PICALM: variants seen among roughly 807,000 people sequenced by gnomAD.
PICALM encodes the protein phosphatidylinositol binding clathrin assembly protein, also known as phosphatidylinositol-binding clathrin assembly protein.
In PICALM, 40 loss-of-function variants were observed where a neutral mutation model predicts 80.5. That is an observed-to-expected ratio of 0.50 (90% CI 0.39 to 0.65). PICALM has a LOEUF of 0.65. PICALM is among the 30% of genes least tolerant of loss of function. The pLI is 0.00. For synonymous variants in PICALM, 288 were observed against 260.3 expected (o/e 1.11, Z -1.02); for missense variants, 676 against 778.9 (o/e 0.87, Z 1.57).
chr11:85,967,876 A>G (rs926487580), intron 19 of PICALM, among the ~76,000 whole-genome samples: 6 of 152,250 alleles, frequency 3.9e-5, no homozygotes, highest in African/African-American at 1.4e-4. Flanking sequence ...AGCACTCACA[A>G]CAAGCCATCA....
chr11:86,030,614 G>A (rs952865730), intron 2 of PICALM, among the ~76,000 whole-genome samples: 4 of 152,136 alleles, frequency 2.6e-5, no homozygotes, highest in African/African-American at 4.8e-5. Context: ...AGGCTATCAC[G>A]GAAAGTAAGA....
At chr11:85,974,656 A>G in intron 19 of PICALM, 52 bp downstream of exon 19, 1 of 1,171,764 alleles carries the variant, frequency 8.5e-7, no homozygotes. Flanking sequence ...TTATAGTATC[A>G]TATTCCTTCC....
intron 13 of PICALM, among the ~76,000 whole-genome samples, chr11:85,985,158 A>G (rs1300773331): frequency 2.0e-5 from 3 of 152,154 alleles, no homozygotes; most frequent in Non-Finnish European, 4.4e-5. Context: ...CCCCTCCTCT[A>G]TTCAGGTCAG....
chr11:86,023,589 T>C (rs1221715873), intron 3 of PICALM: 1 of 983,700 alleles, frequency 1.0e-6, no homozygotes, highest in African/African-American at 1.7e-5. Flanking sequence ...TAGAATTGCT[T>C]AATTTCCATC....
chr11:86,058,663 TATCTC>T (rs2096307124), intron 1 of PICALM, among the ~76,000 whole-genome samples: 1 of 152,224 alleles, frequency 6.6e-6, no homozygotes, highest in Non-Finnish European at 1.5e-5. Context: ...CTTTGCCTAT[TATCTC>T]ATACAGCTTC....
intron 2 of PICALM, 143 bp from the exon 3 acceptor site, chr11:86,026,510 G>C (rs1459883302): frequency 5.2e-6 from 3 of 574,102 alleles, no homozygotes; most frequent in Non-Finnish European, 9.3e-6. Flanking sequence ...CCATTAACTA[G>C]TTACCAAACC....
chr11:86,027,218 AAGTATATG>A (rs1175217605), intron 2 of PICALM, among the ~76,000 whole-genome samples: 10 of 152,194 alleles, frequency 6.6e-5, no homozygotes, highest in African/African-American at 2.2e-4. Flanking sequence ...CTCCATGCAT[AAGTATATG>A]AGTATATGAG....
At position 86,055,291 on chromosome 11, in the gene PICALM, C is replaced by G. The variant is rs1005222075; in HGVS notation, c.130+13360G>C. On this transcript the variant is annotated intron_variant, in intron 1 of 19. Transcript: ENST00000393346. ...GTTGCAGTGAGCCTAGATCGTGCCACTGCACTCCAGCCTGGACAAGAGCAA... is the reference window on the plus strand; with the variant it reads ...GTTGCAGTGAGCCTAGATCGTGCCAGTGCACTCCAGCCTGGACAAGAGCAA... Among the ~76,000 whole-genome samples, 4 of 114,738 alleles carry G rather than the reference C, an allele frequency of 3.5e-5. No individual in the cohort carries two copies. In the South Asian group the frequency reaches 1.2e-3, roughly 33 times the overall value. 75.3% of individuals were successfully genotyped at this position (114,738 alleles called of 152,430 possible). A position where few individuals can be genotyped will look rare whatever the true frequency, so the allele number is the denominator to read the frequency against.
intron 12 of PICALM, among the ~76,000 whole-genome samples, chr11:85,991,498 T>C (rs532100159): frequency 1.7e-4 from 26 of 151,868 alleles, no homozygotes; most frequent in African/African-American, 6.3e-4. Context: ...AGTCAAAAAA[T>C]TCAAGGCAAG....
chr11:86,001,444 A>G (rs1050195759), intron 9 of PICALM, among the ~76,000 whole-genome samples: 22 of 152,194 alleles, frequency 1.4e-4, no homozygotes, highest in Non-Finnish European at 3.1e-4. Flanking sequence ...TCCAAGCCCC[A>G]AGAGAGGAAA....
At chr11:85,983,440 A>G (rs555949305) in intron 14 of PICALM, among the ~76,000 whole-genome samples, 1 of 152,344 alleles carries the variant, frequency 6.6e-6, no homozygotes, top group East Asian at 1.9e-4. Flanking sequence ...TTATACACAG[A>G]CTATTTAAAC....
intron 8 of PICALM, 76 bp downstream of exon 8, chr11:86,007,466 A>C: frequency 2.4e-6 from 2 of 820,562 alleles, no homozygotes; most frequent in Non-Finnish European, 2.1e-6. Flanking sequence ...AATGGGGGCT[A>C]TATGTTACTT....
At chr11:86,061,511 T>C (rs907882483) in intron 1 of PICALM, among the ~76,000 whole-genome samples, 8 of 151,904 alleles carry the variant, frequency 5.3e-5, no homozygotes. Context: ...AGTATGCATA[T>C]GAAAAAAAGT....
intron 1 of PICALM, among the ~76,000 whole-genome samples, chr11:86,067,021 A>G (rs943737630): frequency 7.9e-5 from 12 of 152,260 alleles, no homozygotes; most frequent in African/African-American, 2.9e-4. Context: ...GCCTGCATGC[A>G]TATCTGAAAG....
At chr11:85,971,382 G>C (rs1260148797) in intron 19 of PICALM, among the ~76,000 whole-genome samples, 6 of 151,798 alleles carry the variant, frequency 4.0e-5, no homozygotes, top group Non-Finnish European at 7.4e-5. Context: ...CACTTTTCTG[G>C]TGTTTCTGTG....
intron 19 of PICALM, among the ~76,000 whole-genome samples, chr11:85,973,910 C>T (rs1334591686): frequency 6.7e-6 from 1 of 149,130 alleles, no homozygotes; most frequent in Non-Finnish European, 1.5e-5. Context: ...GATGTCAAAA[C>T]AGTACGAGCA....
intron 4 of PICALM, among the ~76,000 whole-genome samples, chr11:86,019,516 A>G (rs1340454178): frequency 6.6e-6 from 1 of 152,242 alleles, no homozygotes; most frequent in Non-Finnish European, 1.5e-5. Flanking sequence ...TACCATTTTA[A>G]AAATCTATTA....
At chr11:86,007,740 T>C (rs1046255425) in intron 7 of PICALM, among the ~76,000 whole-genome samples, 157 bp from the exon 8 acceptor site, 1 of 152,282 alleles carries the variant, frequency 6.6e-6, no homozygotes, top group Non-Finnish European at 1.5e-5. Context: ...ACATTTCCAA[T>C]GGCTTAGATA....
At chr11:86,024,694 GCTAT>G (rs1256025759) in intron 3 of PICALM, among the ~76,000 whole-genome samples, 1 of 152,010 alleles carries the variant, frequency 6.6e-6, no homozygotes, top group Non-Finnish European at 1.5e-5. Context: ...CTTCTTGAGG[GCTAT>G]CTGCCACTAC....
Sources: gnomAD v4.1 joint callset for allele counts (sites outside exome capture counted in the v4.1 genomes callset) on GRCh38, gnomAD v4.1.1 for gene constraint, MANE v1.5 for transcripts, NCBI Gene and HGNC (gene_info 2026-07-23, HGNC 2026-07-21) for gene names.